Variants in AGAP1 observed in about 807,000 individuals in gnomAD.
AGAP1 encodes ArfGAP with GTPase domain, ankyrin repeat and PH domain 1.
A neutral mutation model predicts 105.3 loss-of-function variants in AGAP1; 29 were observed. The ratio of observed to expected loss-of-function variants is 0.28; its 90% CI spans 0.21 to 0.38. The LOEUF is 0.38. AGAP1 is among the 10% of genes least tolerant of loss of function. The probability of loss-of-function intolerance (pLI) is 1.00; values close to 1 mark genes in which losing one functional copy is unlikely to be tolerated. For missense variants in AGAP1, 998 were observed against 1,165.1 expected (o/e 0.86, Z 2.09); for synonymous variants, 509 against 485.9 (o/e 1.05, Z -0.63).
chr2:236,059,393 G>A (rs769360661), intron 16 of AGAP1, among the ~76,000 whole-genome samples: 27 of 152,134 alleles, frequency 1.8e-4, no homozygotes, highest in Non-Finnish European at 7.3e-5. Flanking sequence ...TCTTCAAATC[G>A]ATGTACAGAG....
intron 1 of AGAP1, among the ~76,000 whole-genome samples, chr2:235,653,237 G>A (rs562960644): frequency 4.6e-5 from 7 of 152,176 alleles, no homozygotes; most frequent in African/African-American, 9.6e-5. Flanking sequence ...AGGCCAAGGC[G>A]GGCGGATCAC....
Position 235,556,608 on chromosome 2 carries a change from C to T in AGAP1, c.163+61759C>T, listed in dbSNP as rs1414054613. 2.0e-5 allele frequency among the ~76,000 whole-genome samples: 3 copies of T among 152,198 alleles called. No homozygotes were observed. The highest frequency in any genetic ancestry group is 7.2e-5 in the African/African-American group (3 of 41,456). ...CTGAGTTCAGTGGAAGGTGGTCTTC[C>T]TTTCCAATACTCTGGTTCCCTCTCT... On this transcript the variant is annotated intron_variant, in intron 1 of 17. Transcript: ENST00000304032. The surrounding 1 kb of genome is among the most constrained non-coding windows in gnomAD (Gnocchi z 5.3).
At position 235,872,027 on chromosome 2, in the gene AGAP1, AT is replaced by A. The variant is rs1210521912; in HGVS notation, c.1051-11317del. ...CAGTGTCCTTATCCATGAAATGAGA[AT>A]CGTCGTGGATATCAGTTGTGATTGC... On this transcript the variant is annotated intron_variant, in intron 9 of 17. Transcript: ENST00000304032. The surrounding 1 kb of genome is among the most constrained non-coding windows in gnomAD (Gnocchi z 4.5). 6.6e-6 allele frequency among the ~76,000 whole-genome samples: 1 copy of A among 152,192 alleles called. No individual in the cohort carries two copies. The highest frequency in any genetic ancestry group is 2.4e-5 in the African/African-American group (1 of 41,448).
rs563116418 is a variant in AGAP1 at position 235,647,329 on chromosome 2, C to G, written c.164-61850C>G. ...GGGTACCCATGTAGCATGACTGTCT[C>G]AGATCAGATTGAAGCCTTCGAACTT... On this transcript the variant is annotated intron_variant, in intron 1 of 17. Coordinates refer to ENST00000304032, the MANE Select transcript of AGAP1 (RefSeq NM_001037131.3). 2.5e-4 allele frequency among the ~76,000 whole-genome samples: 38 copies of G among 152,266 alleles called. No individual in the cohort carries two copies. The East Asian group carries it at 2.9e-3, about 12-fold the overall frequency.
chr2:235,691,726 A>G lies in AGAP1; in HGVS notation c.164-17453A>G, dbSNP rs1322467474. Among the ~76,000 whole-genome samples the G allele has an allele frequency of 6.6e-6, 1 of 152,220 alleles. No homozygotes were observed. The highest frequency in any genetic ancestry group is 1.5e-5 in the Non-Finnish European group (1 of 68,042). ...TGAGGGGCCTCTTGGTCTGGGGACC[A>G]CGCCTCCCTTCCCTTCCTTCCCTGT... On this transcript the variant is annotated intron_variant, in intron 1 of 17. Transcript: ENST00000304032. The surrounding 1 kb of genome is among the most constrained non-coding windows in gnomAD (Gnocchi z 4.4).
intron 11 of AGAP1, among the ~76,000 whole-genome samples, chr2:235,913,738 T>A (rs1295296805): frequency 2.0e-5 from 3 of 152,180 alleles, no homozygotes; most frequent in Admixed American, 6.6e-5. Flanking sequence ...TCCTCCTTGA[T>A]AAAAATAATC....
At position 235,720,723 on chromosome 2, in the gene AGAP1, C is replaced by T. The variant is rs1033822952; in HGVS notation, c.310+3079C>T. On this transcript the variant is annotated intron_variant, in intron 3 of 17. Coordinates refer to ENST00000304032, the MANE Select transcript of AGAP1 (RefSeq NM_001037131.3). This position sits in a 1 kb window ranked among gnomAD's most constrained non-coding sequence, Gnocchi z 5.0. ...TCTGATTTAATTAGTGCGTGAGTAT[C>T]CTTTATGTCATAATCCTGACCCGTG... 1 of 984,908 alleles carries T rather than the reference C, an allele frequency of 1.0e-6. No individual in the cohort carries two copies. The highest frequency in any genetic ancestry group is 1.2e-6 in the Non-Finnish European group (1 of 829,524). The allele number at this position is 984,908 out of a possible 1,614,324, so 61.0% of individuals were successfully genotyped here.
At chr2:235,766,410 C>T (rs770292849) in intron 6 of AGAP1, among the ~76,000 whole-genome samples, 2 of 152,118 alleles carry the variant, frequency 1.3e-5, no homozygotes, top group Non-Finnish European at 2.9e-5. Context: ...ATTGAAAGCG[C>T]GTCTAAGGAT....
At chr2:235,514,162 GCACACACACA>G (rs35684926) in intron 1 of AGAP1, among the ~76,000 whole-genome samples, 1 of 150,508 alleles carries the variant, frequency 6.6e-6, no homozygotes. Context: ...GTGCGCGCGC[GCACACACACA>G]CACACACACA....
intron 13 of AGAP1, among the ~76,000 whole-genome samples, chr2:235,980,932 C>T (rs1354666551): frequency 6.6e-6 from 1 of 152,170 alleles, no homozygotes; most frequent in East Asian, 1.9e-4. Context: ...GACAATTAAA[C>T]CAATGTTACT....
intron 13 of AGAP1, among the ~76,000 whole-genome samples, chr2:236,025,967 G>A (rs753356633): frequency 1.8e-4 from 28 of 151,630 alleles, no homozygotes; most frequent in Non-Finnish European, 3.8e-4. Flanking sequence ...CGAACTGTAG[G>A]ACAGGCAGGA....
chr2:236,009,588 T>A lies in AGAP1; in HGVS notation c.1646-26973T>A, dbSNP rs1286100523. 6.6e-6 allele frequency among the ~76,000 whole-genome samples: 1 copy of A among 152,202 alleles called. No individual in the cohort carries two copies. The highest frequency in any genetic ancestry group is 1.9e-4 in the East Asian group (1 of 5,204). ...TTTTCTTAGAGGTACAAATTTACGC[T>A]CCCTTCTATGAATAGAGAGGGCTAT... On this transcript the variant is annotated intron_variant, in intron 13 of 17. Transcript: ENST00000304032. The surrounding 1 kb of genome is among the most constrained non-coding windows in gnomAD (Gnocchi z 4.2).
chr2:235,856,593 C>T (rs1023423192), intron 9 of AGAP1, among the ~76,000 whole-genome samples: 1 of 152,252 alleles, frequency 6.6e-6, no homozygotes, highest in African/African-American at 2.4e-5. Context: ...CTGTGTGGAC[C>T]ATCTGCCTGT....
At chr2:236,021,172 A>C (rs1385512421) in intron 13 of AGAP1, among the ~76,000 whole-genome samples, 1 of 151,982 alleles carries the variant, frequency 6.6e-6, no homozygotes, top group African/African-American at 2.4e-5. Context: ...TCTCAAAAAA[A>C]AAAAAAAAAA....
intron 9 of AGAP1, among the ~76,000 whole-genome samples, chr2:235,851,029 G>C (rs1199483309): frequency 1.3e-5 from 2 of 152,222 alleles, no homozygotes; most frequent in African/African-American, 4.8e-5. Flanking sequence ...TCCCAGGCAG[G>C]CTGTTCATGG....
At chr2:235,999,887 C>T (rs1005740770) in intron 13 of AGAP1, among the ~76,000 whole-genome samples, 1 of 152,034 alleles carries the variant, frequency 6.6e-6, no homozygotes, top group Non-Finnish European at 1.5e-5. Context: ...ACTTGTAAGT[C>T]ACGATTTGTG....
chr2:236,023,110 G>A (rs73121850), intron 13 of AGAP1, among the ~76,000 whole-genome samples: 4,782 of 152,232 alleles, frequency 0.031, 253 homozygotes, highest in African/African-American at 0.11. Context: ...TCATGGTAGA[G>A]GGAGAAAGAC....
At chr2:236,115,896 C>T (rs2059759903) in intron 16 of AGAP1, among the ~76,000 whole-genome samples, 1 of 152,014 alleles carries the variant, frequency 6.6e-6, no homozygotes, top group Non-Finnish European at 1.5e-5. Flanking sequence ...CCTCTGCCTG[C>T]TGGATCCAAG....
intron 16 of AGAP1, among the ~76,000 whole-genome samples, chr2:236,086,127 G>A (rs1035022925): frequency 2.6e-5 from 4 of 152,156 alleles, no homozygotes; most frequent in Non-Finnish European, 4.4e-5. Flanking sequence ...CTGACAGTCC[G>A]AATGTAAGAA....
Sources: gnomAD v4.1 joint callset for allele counts (sites outside exome capture counted in the v4.1 genomes callset) on GRCh38, gnomAD v4.1.1 for gene constraint, Gnocchi (gnomAD v3.1) non-coding constraint, MANE v1.5 for transcripts, NCBI Gene and HGNC (gene_info 2026-07-23, HGNC 2026-07-21) for gene names.